CDH4: variants seen among roughly 807,000 people sequenced by gnomAD.
CDH4 encodes the protein cadherin-4.
In CDH4, 33 loss-of-function variants were observed where a neutral mutation model predicts 86.0. The observed-to-expected ratio is 0.38, with a 90% CI of 0.29 to 0.51. The LOEUF (loss-of-function observed/expected upper bound fraction) is 0.51, where lower values mean the gene tolerates loss of function less well. Among genes scored for constraint, CDH4 ranks in the 20% least tolerant of loss-of-function variants. CDH4 has a pLI of 0.86. For missense variants in CDH4, 1,114 were observed against 1,307.4 expected (o/e 0.85, Z 2.28); for synonymous variants, 555 against 549.4 (o/e 1.01, Z -0.14).
chr20:61,631,026 TTGAC>T (rs2086882575), intron 2 of CDH4, among the ~76,000 whole-genome samples: 1 of 152,106 alleles, frequency 6.6e-6, no homozygotes, highest in South Asian at 2.1e-4. Flanking sequence ...GGAGGTGACA[TTGAC>T]TGAGGAATGA....
At chr20:61,421,650 C>CA (rs199632351) in intron 2 of CDH4, among the ~76,000 whole-genome samples, 1 of 150,554 alleles carries the variant, frequency 6.6e-6, no homozygotes, top group Non-Finnish European at 1.5e-5. Context: ...TGTTATACTT[C>CA]AAAAAAAAAG....
At chr20:61,881,551 C>T (rs1230736096) in intron 7 of CDH4, among the ~76,000 whole-genome samples, 3 of 152,228 alleles carry the variant, frequency 2.0e-5, no homozygotes, top group South Asian at 2.1e-4. Context: ...GTCAATTAGT[C>T]GACCGCTGTT....
At chr20:61,306,726 A>G (rs961915522) in intron 2 of CDH4, among the ~76,000 whole-genome samples, 12 of 151,964 alleles carry the variant, frequency 7.9e-5, no homozygotes, top group Middle Eastern at 3.4e-3. Flanking sequence ...AACCAAACAC[A>G]CCCTTGGGGC....
intron 2 of CDH4, among the ~76,000 whole-genome samples, chr20:61,260,567 C>T (rs2084122799): frequency 1.3e-5 from 2 of 152,202 alleles, no homozygotes; most frequent in Admixed American, 1.3e-4. Flanking sequence ...GGGTGGGACT[C>T]AGACCCCACT....
At chr20:61,908,064 C>T (rs1040175813) in intron 8 of CDH4, among the ~76,000 whole-genome samples, 4 of 152,186 alleles carry the variant, frequency 2.6e-5, no homozygotes, top group African/African-American at 9.7e-5. Context: ...GCGGGGTTTT[C>T]AGCCCAGCTT....
intron 9 of CDH4, among the ~76,000 whole-genome samples, chr20:61,915,980 G>C (rs2054899538): frequency 6.6e-6 from 1 of 152,190 alleles, no homozygotes; most frequent in Admixed American, 6.5e-5. Flanking sequence ...TTCAACAGGA[G>C]AACCACACTT....
chr20:61,491,473 C>T (rs1568863418), intron 2 of CDH4, among the ~76,000 whole-genome samples: 1 of 152,156 alleles, frequency 6.6e-6, no homozygotes, highest in Non-Finnish European at 1.5e-5. Flanking sequence ...CAAAGGAAGA[C>T]AGCACAAAAG....
At chr20:61,423,020 G>A (rs2085188771) in intron 2 of CDH4, among the ~76,000 whole-genome samples, 1 of 152,186 alleles carries the variant, frequency 6.6e-6, no homozygotes, top group African/African-American at 2.4e-5. Context: ...AGGTCAGAAG[G>A]TCAGAGAAAA....
chr20:61,545,774 T>C (rs565214033), intron 2 of CDH4, among the ~76,000 whole-genome samples: 1 of 139,790 alleles, frequency 7.2e-6, no homozygotes, highest in East Asian at 2.1e-4. Flanking sequence ...GGGGGTGGGG[T>C]GTGTGTGCAT....
chr20:61,724,820 AAGAG>A (rs2088090958), intron 2 of CDH4, among the ~76,000 whole-genome samples: 1 of 152,250 alleles, frequency 6.6e-6, no homozygotes, highest in East Asian at 1.9e-4. Flanking sequence ...TAATTTAAAA[AAGAG>A]AGAGGGCCAG....
intron 9 of CDH4, among the ~76,000 whole-genome samples, chr20:61,923,064 G>A (rs1259645681): frequency 6.6e-6 from 1 of 152,240 alleles, no homozygotes; most frequent in African/African-American, 2.4e-5. Flanking sequence ...AGGCCCCGCT[G>A]GCCAACAACG....
At chr20:61,712,794 G>GCCCTGGTTCAGAGCTGGC (rs2087907500) in intron 2 of CDH4, among the ~76,000 whole-genome samples, 1 of 152,192 alleles carries the variant, frequency 6.6e-6, no homozygotes, top group Non-Finnish European at 1.5e-5. Flanking sequence ...CTCATGCTGG[G>GCCCTGGTTCAGAGCTGGC]CCCTGGTTCA....
chr20:61,277,669 G>A (rs777117623), intron 2 of CDH4, among the ~76,000 whole-genome samples: 64 of 152,328 alleles, frequency 4.2e-4, no homozygotes, highest in African/African-American at 6.0e-4. Flanking sequence ...GGGCTTGCTC[G>A]GTTTATTTAT....
chr20:61,931,846 A>G (rs1235972552), intron 13 of CDH4, among the ~76,000 whole-genome samples: 1 of 152,072 alleles, frequency 6.6e-6, no homozygotes, highest in East Asian at 1.9e-4. Flanking sequence ...CCACCCCACA[A>G]GGGGACTTTA....
intron 9 of CDH4, among the ~76,000 whole-genome samples, chr20:61,911,694 A>G (rs1740351): frequency 0.025 from 760 of 30,062 alleles, 17 homozygotes; most frequent in Admixed American, 0.076. Context: ...ATGCCGAAGC[A>G]TAAGGAAAAG....
chr20:61,261,901 G>C (rs1459791816), intron 2 of CDH4, among the ~76,000 whole-genome samples: 1 of 152,224 alleles, frequency 6.6e-6, no homozygotes, highest in Non-Finnish European at 1.5e-5. Flanking sequence ...GGGATTAGAA[G>C]AGCCCGCGGC....
intron 4 of CDH4, among the ~76,000 whole-genome samples, chr20:61,840,638 G>A (rs926653782): frequency 6.6e-6 from 1 of 152,122 alleles, no homozygotes. Context: ...GGCGATCGGC[G>A]CACTGGAGGC....
chr20:61,830,109 G>A (rs1205181154), intron 4 of CDH4, among the ~76,000 whole-genome samples: 2 of 53,914 alleles, frequency 3.7e-5, no homozygotes, highest in East Asian at 7.4e-4. Flanking sequence ...CTACCCCCAT[G>A]CCCCACCCCC....
intron 2 of CDH4, among the ~76,000 whole-genome samples, chr20:61,712,613 G>A (rs1435999315): frequency 6.6e-6 from 1 of 152,074 alleles, no homozygotes; most frequent in Non-Finnish European, 1.5e-5. Flanking sequence ...TCAAATAACT[G>A]TGGTGCAAAA....
Sources: gnomAD v4.1 joint callset for allele counts (sites outside exome capture counted in the v4.1 genomes callset) on GRCh38, gnomAD v4.1.1 for gene constraint, MANE v1.5 for transcripts, NCBI Gene and HGNC (gene_info 2026-07-23, HGNC 2026-07-21) for gene names.